Variants in TAFA4 observed in about 807,000 individuals in gnomAD.
The protein encoded by TAFA4 is TAFA chemokine like family member 4.
Under a neutral mutation model 21.1 loss-of-function variants are expected in TAFA4, and 20 were observed. That is an observed-to-expected ratio of 0.95 (90% confidence interval 0.67 to 1.38). The LOEUF is 1.38. Among genes scored for constraint, TAFA4 ranks in the 40% most tolerant of loss-of-function variants. The probability of loss-of-function intolerance (pLI) is 0.00; values close to 1 mark genes in which losing one functional copy is unlikely to be tolerated. For missense variants in TAFA4, 211 were observed against 180.9 expected, an observed-to-expected ratio of 1.17 and a Z score of -0.95; for synonymous variants, 71 against 67.4, an observed-to-expected ratio of 1.05 and a Z score of -0.26.
intron 2 of TAFA4, among the ~76,000 whole-genome samples, chr3:68,882,530 G>A (rs2089630193): frequency 6.6e-6 from 1 of 152,120 alleles, no homozygotes; most frequent in Admixed American, 6.5e-5. Flanking sequence ...GGCCCAACCA[G>A]CCCAACTCAT....
At chr3:68,856,602 A>G (rs1705075669) in intron 3 of TAFA4, among the ~76,000 whole-genome samples, 1 of 152,144 alleles carries the variant, frequency 6.6e-6, no homozygotes, top group Non-Finnish European at 1.5e-5. Flanking sequence ...AATTAGCTCC[A>G]TAATAGTGAT....
intron 3 of TAFA4, among the ~76,000 whole-genome samples, chr3:68,760,284 T>C (rs1478973938): frequency 5.3e-5 from 8 of 152,160 alleles, no homozygotes; most frequent in Non-Finnish European, 1.2e-4. Context: ...AAATATACTT[T>C]TAAGAAAAGT....
chr3:68,791,287 C>T (rs1479024959), intron 3 of TAFA4, among the ~76,000 whole-genome samples: 2 of 152,184 alleles, frequency 1.3e-5, no homozygotes, highest in African/African-American at 2.4e-5. Context: ...ATCTAACATG[C>T]TGGTGTCCTT....
At chr3:68,749,444 T>C (rs1559758287) in intron 4 of TAFA4, among the ~76,000 whole-genome samples, 1 of 152,204 alleles carries the variant, frequency 6.6e-6, no homozygotes, top group Non-Finnish European at 1.5e-5. Flanking sequence ...AAGAGGAACA[T>C]ATCAGCAGAG....
At chr3:68,807,054 A>G (rs1381353957) in intron 3 of TAFA4, among the ~76,000 whole-genome samples, 3 of 152,204 alleles carry the variant, frequency 2.0e-5, no homozygotes, top group African/African-American at 7.2e-5. Context: ...ATAACTAAGC[A>G]TATCAGACAT....
intron 2 of TAFA4, among the ~76,000 whole-genome samples, chr3:68,881,395 T>A (rs185036002): frequency 1.3e-5 from 2 of 152,286 alleles, no homozygotes; most frequent in East Asian, 3.9e-4. Context: ...TAAATTTAAC[T>A]TCGTATGATG....
intron 3 of TAFA4, among the ~76,000 whole-genome samples, chr3:68,759,667 C>T (rs1169958459): frequency 1.3e-5 from 2 of 152,138 alleles, no homozygotes; most frequent in South Asian, 2.1e-4. Context: ...CATGAGGCCC[C>T]TGCAATAAGT....
chr3:68,833,983 A>T (rs1461030965), intron 3 of TAFA4, among the ~76,000 whole-genome samples: 2 of 152,212 alleles, frequency 1.3e-5, no homozygotes, highest in Non-Finnish European at 2.9e-5. Flanking sequence ...GTTGGAGGGG[A>T]GAGGCAGACA....
At chr3:68,856,658 A>G (rs2106916909) in intron 3 of TAFA4, among the ~76,000 whole-genome samples, 1 of 152,278 alleles carries the variant, frequency 6.6e-6, no homozygotes. Flanking sequence ...TACAGGTTCC[A>G]CTTTCGCTTC....
intron 1 of TAFA4, among the ~76,000 whole-genome samples, chr3:68,896,433 G>T (rs1302616337): frequency 6.6e-6 from 1 of 152,126 alleles, no homozygotes. Flanking sequence ...GATCTTCCAA[G>T]GCCAAAAGTA....
At chr3:68,929,619 G>A (rs930978455) in intron 1 of TAFA4, among the ~76,000 whole-genome samples, 1 of 152,226 alleles carries the variant, frequency 6.6e-6, no homozygotes, top group Non-Finnish European at 1.5e-5. Context: ...TTACTGTGAT[G>A]TCTTTACATA....
rs536618179 is a variant in TAFA4 at position 68,836,692 on chromosome 3, CT to C, written c.130+44037del. 1.5e-4 allele frequency among the ~76,000 whole-genome samples: 23 copies of C among 152,292 alleles called. 1 individual carries two copies. The South Asian group carries it at 4.8e-3, about 32-fold the overall frequency. On this transcript the variant is annotated intron_variant, in intron 3 of 5. Transcript: ENST00000295569. ...CTCATGGAAGTTACATTTCAATAGT[CT>C]TTCAACAGAAAATTTATTTACAATA...
intron 3 of TAFA4, among the ~76,000 whole-genome samples, chr3:68,809,711 C>A (rs941228095): frequency 3.3e-5 from 5 of 152,066 alleles, no homozygotes; most frequent in African/African-American, 9.7e-5. Flanking sequence ...TCTTTAACTG[C>A]ATTTTGAGTT....
chr3:68,852,675 C>A (rs1446442996), intron 3 of TAFA4, among the ~76,000 whole-genome samples: 2 of 152,148 alleles, frequency 1.3e-5, no homozygotes, highest in Non-Finnish European at 2.9e-5. Flanking sequence ...GCATAAAAGT[C>A]AATACACACC....
At chr3:68,878,525 T>C (rs2089579686) in intron 3 of TAFA4, among the ~76,000 whole-genome samples, 1 of 152,036 alleles carries the variant, frequency 6.6e-6, no homozygotes, top group Non-Finnish European at 1.5e-5. Context: ...TACCCTCTTG[T>C]GGGGAAATAA....
chr3:68,863,616 C>A (rs1364738062), intron 3 of TAFA4, among the ~76,000 whole-genome samples: 1 of 152,130 alleles, frequency 6.6e-6, no homozygotes, highest in East Asian at 1.9e-4. Flanking sequence ...AGTAATTTTT[C>A]ATAGTCTACA....
rs17048141 is a variant in TAFA4, at chr3:68,906,660, A to T, written c.-122-21350T>A. Among the ~76,000 whole-genome samples, 1,174 of 152,196 alleles carry T rather than the reference A, an allele frequency of 7.7e-3. 23 individuals are homozygous for T. The highest frequency in any genetic ancestry group is 0.027 in the African/African-American group (1,133 of 41,520). The stretch of plus-strand genomic sequence containing the variant: ...TGTCAACCAGAGAGTGGACTTTCCA[A>T]GGCGCTGGTGTTTTAAAGGTGCTGC... On this transcript the variant is annotated intron_variant, in intron 1 of 5. Coordinates refer to ENST00000295569, the MANE Select transcript of TAFA4 (RefSeq NM_182522.5).
At chr3:68,889,965 T>A (rs974794721) in intron 1 of TAFA4, among the ~76,000 whole-genome samples, 11 of 152,006 alleles carry the variant, frequency 7.2e-5, no homozygotes, top group African/African-American at 2.2e-4. Context: ...ATTGAGAAAA[T>A]CAACAGTATC....
intron 1 of TAFA4, among the ~76,000 whole-genome samples, chr3:68,901,055 T>C (rs1021522152): frequency 1.3e-5 from 2 of 152,074 alleles, no homozygotes; most frequent in African/African-American, 2.4e-5. Context: ...AGCTAATAAT[T>C]CCAGAATTAG....
Sources: allele counts gnomAD v4.1 joint callset (sites outside exome capture counted in the v4.1 genomes callset), GRCh38; gene constraint gnomAD v4.1.1; transcripts MANE v1.5; gene names NCBI Gene and HGNC (gene_info 2026-07-23, HGNC 2026-07-21).